FAM204A: variants seen among roughly 807,000 people sequenced by gnomAD.
FAM204A encodes the protein protein FAM204A.
A neutral mutation model predicts 35.4 loss-of-function variants in FAM204A; 16 were observed. The observed-to-expected ratio is 0.45, with a 90% CI of 0.31 to 0.69. The LOEUF (loss-of-function observed/expected upper bound fraction) is 0.69. Among genes scored for constraint, FAM204A ranks in the 30% least tolerant of loss-of-function variants. FAM204A has a pLI of 0.07. For synonymous variants in FAM204A, 76 were observed against 86.9 expected, an observed-to-expected ratio of 0.88 and a Z score of 0.70; for missense variants, 240 against 265.7, an observed-to-expected ratio of 0.90 and a Z score of 0.67.
At chr10:118,311,153 C>A (rs1343764547) in intron 8 of FAM204A, 54 bp downstream of exon 8, 5 of 1,483,094 alleles carry the variant, frequency 3.4e-6, no homozygotes, top group Non-Finnish European at 4.6e-6. Flanking sequence ...AATATATTAG[C>A]AGAATTTCTA....
Position 118,310,669 on chromosome 10 carries a change from AT to A in FAM204A, c.*187del. ...TCTTATACAAATAACAGAATGCTTC[AT>A]TTTATTCACTTCAATAGGACAAAGT... is the stretch of plus-strand genomic sequence containing the variant. On this transcript the variant is annotated 3_prime_UTR_variant, in exon 9 of 9. Coordinates refer to ENST00000369183, the MANE Select transcript of FAM204A (RefSeq NM_022063.3). 1.8e-6 allele frequency: 1 copy of A among 565,700 alleles called. No homozygotes were observed. Among genetic ancestry groups the A allele is most frequent in the Admixed American group, 3.7e-5 (1 of 27,032 alleles). The allele number at this position is 565,700 out of a possible 1,614,324, so 35.0% of individuals were successfully genotyped here.
Position 118,305,212 on chromosome 10 carries a change from T to G in FAM204A, c.*5645A>C, listed in dbSNP as rs1280853759. On this transcript the variant is annotated 3_prime_UTR_variant, in exon 9 of 9. Coordinates refer to ENST00000369183, the MANE Select transcript of FAM204A (RefSeq NM_022063.3). The stretch of plus-strand genomic sequence containing the variant: ...GCAAGCAACATTCTCCTTTGTCTCA[T>G]GAACAAGAAATAAGCTTGTATTGTG... 6.6e-6 allele frequency: 1 copy of G among 152,196 alleles called. No homozygotes were observed. The highest frequency in any genetic ancestry group is 1.9e-4 in the East Asian group (1 of 5,196). 9.4% of individuals were successfully genotyped at this position (152,196 alleles called of 1,614,324 possible).
intron 8 of FAM204A, 45 bp from the exon 9 acceptor site, chr10:118,310,953 A>T (rs1845942685): frequency 6.5e-7 from 1 of 1,529,582 alleles, no homozygotes; most frequent in South Asian, 1.2e-5. Flanking sequence ...CTTAAAAAAA[A>T]AAATACTTTG....
chr10:118,312,290 A>C (rs1845965094), intron 7 of FAM204A, among the ~76,000 whole-genome samples: 1 of 152,236 alleles, frequency 6.6e-6, no homozygotes, highest in Admixed American at 6.5e-5. Flanking sequence ...CACCTGATGC[A>C]TATTAGTAGA....
At chr10:118,311,943 C>T (rs923970022) in intron 7 of FAM204A, among the ~76,000 whole-genome samples, 5 of 152,108 alleles carry the variant, frequency 3.3e-5, no homozygotes, top group Non-Finnish European at 7.4e-5. Flanking sequence ...ATGTGTGCCC[C>T]CCTTACACCC....
chr10:118,328,471 G>A (rs1189089490), intron 6 of FAM204A, among the ~76,000 whole-genome samples: 5 of 151,204 alleles, frequency 3.3e-5, no homozygotes, highest in Admixed American at 2.0e-4. Context: ...TGATTCTGAT[G>A]CATGCTGAAA....
intron 2 of FAM204A, among the ~76,000 whole-genome samples, chr10:118,338,802 G>A (rs1036157587): frequency 1.3e-5 from 2 of 152,084 alleles, no homozygotes; most frequent in Non-Finnish European, 2.9e-5. Context: ...TCTATGCTCT[G>A]GGCACCCAAA....
At chr10:118,341,473 T>C (rs1308412611) in intron 2 of FAM204A, among the ~76,000 whole-genome samples, 2 of 152,244 alleles carry the variant, frequency 1.3e-5, no homozygotes, top group African/African-American at 4.8e-5. Context: ...TTTACTTTTA[T>C]GAAATGAATG....
At position 118,305,840 on chromosome 10, in the gene FAM204A, G is replaced by A. The variant is rs1845858471; in HGVS notation, c.*5017C>T. The A allele has an allele frequency of 6.6e-6, 1 of 152,190 alleles. No homozygotes were observed. The highest frequency in any genetic ancestry group is 1.5e-5 in the Non-Finnish European group (1 of 68,026). The allele number at this position is 152,190 out of a possible 1,614,324, so 9.4% of individuals were successfully genotyped here. A position where few individuals can be genotyped will look rare whatever the true frequency, so the allele number is the denominator to read the frequency against. The stretch of plus-strand genomic sequence containing the variant: ...ATTCAAAGAAACGCAAAGCTTCATT[G>A]TTTCACTATTCCTTGTGACATTCAT... On this transcript the variant is annotated 3_prime_UTR_variant, in exon 9 of 9. Transcript: ENST00000369183.
At position 118,327,928 on chromosome 10, in the gene FAM204A, G is replaced by A. The variant is rs117715726; in HGVS notation, c.454-1685C>T. 9.5e-3 allele frequency among the ~76,000 whole-genome samples: 1,448 copies of A among 152,190 alleles called. 16 individuals are homozygous for A. Among genetic ancestry groups the A allele is most frequent in the Middle Eastern group, 0.031 (9 of 294 alleles). ...AAGTGGGCTATAATCACACCACTGC[G>A]GTTTAACCTGGGTGACAGAGCAAGA... On this transcript the variant is annotated intron_variant, in intron 6 of 8. Transcript: ENST00000369183.
At chr10:118,316,835 C>T (rs1031436020) in intron 7 of FAM204A, among the ~76,000 whole-genome samples, 2 of 151,898 alleles carry the variant, frequency 1.3e-5, no homozygotes, top group Admixed American at 6.6e-5. Context: ...ACTATTAAGG[C>T]TTCAAATTAT....
intron 2 of FAM204A, among the ~76,000 whole-genome samples, chr10:118,341,252 G>A (rs1355794382): frequency 6.6e-6 from 1 of 152,088 alleles, no homozygotes; most frequent in African/African-American, 2.4e-5. Flanking sequence ...GTATAAGGCT[G>A]TCTTATTTCC....
Position 118,300,364 on chromosome 10 carries a change from G to A in FAM204A, c.*10493C>T, listed in dbSNP as rs1456958083. 5 of 152,054 alleles carry A rather than the reference G, an allele frequency of 3.3e-5. No individual in the cohort carries two copies. The highest frequency in any genetic ancestry group is 6.5e-5 in the Admixed American group (1 of 15,276). 9.4% of individuals were successfully genotyped at this position (152,054 alleles called of 1,614,324 possible). A position where few individuals can be genotyped will look rare whatever the true frequency, so the allele number is the denominator to read the frequency against. On this transcript the variant is annotated 3_prime_UTR_variant, in exon 9 of 9. Transcript: ENST00000369183. ...ATCTTGAAAGAAAAGATGAAAGGAC[G>A]TATTACTTCTTTTGTTCACTCAAGC...
intron 7 of FAM204A, among the ~76,000 whole-genome samples, chr10:118,320,758 T>A (rs1190111654): frequency 3.3e-5 from 5 of 151,860 alleles, no homozygotes; most frequent in African/African-American, 1.2e-4. Context: ...GACTGAGACA[T>A]CCCCCAAACC....
rs560131876 is a variant in FAM204A, at chr10:118,303,015, C to T, written c.*7842G>A. On this transcript the variant is annotated 3_prime_UTR_variant, in exon 9 of 9. Transcript: ENST00000369183. ...ACAAGTGATTCTGCTTGCAGGAGGG[C>T]ATGGATCCCACTTCAAGAACCACTG... The T allele has an allele frequency of 5.9e-5, 9 of 152,312 alleles. No individual in the cohort carries two copies. The East Asian group carries it at 1.7e-3, about 29-fold the overall frequency. The allele number at this position is 152,312 out of a possible 1,614,324, so 9.4% of individuals were successfully genotyped here. A position where few individuals can be genotyped will look rare whatever the true frequency, so the allele number is the denominator to read the frequency against.
chr10:118,331,000 T>C (rs1266935468), intron 6 of FAM204A, among the ~76,000 whole-genome samples: 1 of 152,206 alleles, frequency 6.6e-6, no homozygotes, highest in African/African-American at 2.4e-5. Context: ...TTTTAGAATA[T>C]AGTAGTCATT....
intron 2 of FAM204A, among the ~76,000 whole-genome samples, chr10:118,338,081 T>C (rs1846416609): frequency 6.6e-6 from 1 of 152,194 alleles, no homozygotes; most frequent in African/African-American, 2.4e-5. Flanking sequence ...AATGGTAACC[T>C]TAAGCTCCAA....
chr10:118,298,333 C>G lies in FAM204A; in HGVS notation c.*12524G>C, dbSNP rs956391793. 6.6e-6 allele frequency: 1 copy of G among 152,234 alleles called. No homozygotes were observed. Among genetic ancestry groups the G allele is most frequent in the African/African-American group, 2.4e-5 (1 of 41,456 alleles). The allele number at this position is 152,234 out of a possible 1,614,324, so 9.4% of individuals were successfully genotyped here. On this transcript the variant is annotated 3_prime_UTR_variant, in exon 9 of 9. Coordinates refer to ENST00000369183, the MANE Select transcript of FAM204A (RefSeq NM_022063.3). ...TCCCTTCATCCTGATTTTCCACCCTCTTTCTGGGTACCTCAGTGTCCTCTT... is the reference window on the plus strand; with the variant it reads ...TCCCTTCATCCTGATTTTCCACCCTGTTTCTGGGTACCTCAGTGTCCTCTT...
chr10:118,332,595 CTGATCTATGTAT>C (rs1280152598), intron 6 of FAM204A, among the ~76,000 whole-genome samples: 2 of 151,652 alleles, frequency 1.3e-5, no homozygotes, highest in African/African-American at 4.8e-5. Context: ...AGCCTTTTAA[CTGATCTATGTAT>C]TGGAGAACCA....
Sources: gnomAD v4.1 joint callset for allele counts (sites outside exome capture counted in the v4.1 genomes callset) on GRCh38, gnomAD v4.1.1 for gene constraint, MANE v1.5 for transcripts, NCBI Gene and HGNC (gene_info 2026-07-23, HGNC 2026-07-21) for gene names.